Variants in SORCS2 observed in about 807,000 individuals in gnomAD.
The protein encoded by SORCS2 is VPS10 domain-containing receptor SorCS2.
SORCS2 carries 100 observed loss-of-function variants against 141.6 expected under a neutral mutation model. The ratio of observed to expected loss-of-function variants is 0.71; its 90% CI spans 0.60 to 0.83. The LOEUF is 0.83. Ranked by LOEUF, SORCS2 falls within the 40% of genes least tolerant of loss-of-function variation. The pLI is 0.00. For missense variants in SORCS2, 1,646 were observed against 1,560.2 expected, an observed-to-expected ratio of 1.05 and a Z score of -0.93; for synonymous variants, 789 against 676.9, an observed-to-expected ratio of 1.17 and a Z score of -2.57.
chr4:7,381,999 A>G, intron 1 of SORCS2: 1 of 985,296 alleles, frequency 1.0e-6, no homozygotes, highest in Non-Finnish European at 1.2e-6. Flanking sequence ...GCAGGTGAAC[A>G]GGACCAGGGA....
intron 2 of SORCS2, among the ~76,000 whole-genome samples, chr4:7,485,253 G>A (rs771454388): frequency 1.2e-4 from 18 of 152,174 alleles, no homozygotes; most frequent in South Asian, 2.1e-4. Context: ...CCCTCCCATC[G>A]CCCTGGGCAG....
chr4:7,689,363 AG>A, intron 10 of SORCS2, 122 bp from the exon 11 acceptor site: 1 of 825,660 alleles, frequency 1.2e-6, no homozygotes, highest in Non-Finnish European at 1.9e-6. Context: ...CGTTCCTCCA[AG>A]GCACTCCTGG....
chr4:7,487,295 C>CA (rs1731047922), intron 2 of SORCS2, among the ~76,000 whole-genome samples: 1 of 152,210 alleles, frequency 6.6e-6, no homozygotes, highest in Non-Finnish European at 1.5e-5. Flanking sequence ...CTGTTACATT[C>CA]CCTTGGCCCA....
intron 4 of SORCS2, among the ~76,000 whole-genome samples, chr4:7,650,574 C>T (rs900421463): frequency 5.9e-5 from 9 of 152,186 alleles, no homozygotes; most frequent in African/African-American, 1.4e-4. Flanking sequence ...GACTCACAGA[C>T]GCTCCCCTTT....
chr4:7,497,468 G>A (rs1731698742), intron 2 of SORCS2, among the ~76,000 whole-genome samples: 1 of 152,206 alleles, frequency 6.6e-6, no homozygotes, highest in African/African-American at 2.4e-5. Flanking sequence ...CCTCCTAGGA[G>A]CAGCCCAGCT....
In SORCS2 at chr4:7,666,115, G is replaced by C. The variant is rs193223857; in HGVS notation, c.1072-1009G>C. On this transcript the variant is annotated intron_variant, in intron 7 of 26. Coordinates refer to ENST00000507866, the MANE Select transcript of SORCS2 (RefSeq NM_020777.3). Reference sequence around the variant, plus strand: ...ATCAATCTTCTCTAAAGGGAGGGGCGATTCAGGGGAGGCAGGAGACTCAGG... The same window carrying C: ...ATCAATCTTCTCTAAAGGGAGGGGCCATTCAGGGGAGGCAGGAGACTCAGG... Among the ~76,000 whole-genome samples the C allele has an allele frequency of 2.6e-5, 4 of 152,186 alleles. No individual in the cohort carries two copies. The South Asian group carries it at 8.3e-4, about 32-fold the overall frequency.
intron 1 of SORCS2, among the ~76,000 whole-genome samples, chr4:7,263,964 T>G (rs1176763089): frequency 6.6e-6 from 1 of 152,222 alleles, no homozygotes; most frequent in Non-Finnish European, 1.5e-5. Context: ...ATTCACTCAC[T>G]GACTCATTCA....
intron 3 of SORCS2, among the ~76,000 whole-genome samples, chr4:7,536,525 GC>G (rs1712135718): frequency 6.6e-6 from 1 of 152,196 alleles, no homozygotes; most frequent in Non-Finnish European, 1.5e-5. Context: ...TCAGACACCT[GC>G]ATGGTGGTCC....
chr4:7,356,476 G>A (rs1349703388), intron 1 of SORCS2, among the ~76,000 whole-genome samples: 1 of 151,988 alleles, frequency 6.6e-6, no homozygotes, highest in Non-Finnish European at 1.5e-5. Flanking sequence ...CTCAGTGTGT[G>A]AGCATGGAGA....
At chr4:7,729,487 G>C (rs1727453141) in intron 22 of SORCS2, 100 bp from the exon 23 acceptor site, 3 of 1,440,286 alleles carry the variant, frequency 2.1e-6, no homozygotes, top group African/African-American at 2.8e-5. Context: ...TGAGACAGGT[G>C]TACAGGCCAA....
chr4:7,318,991 G>T (rs1718729539), intron 1 of SORCS2, among the ~76,000 whole-genome samples: 1 of 152,146 alleles, frequency 6.6e-6, no homozygotes, highest in Admixed American at 6.5e-5. Flanking sequence ...ATAGCATAGA[G>T]CCTTTTGGGT....
chr4:7,376,801 G>A (rs1722685219), intron 1 of SORCS2, among the ~76,000 whole-genome samples: 1 of 133,482 alleles, frequency 7.5e-6, no homozygotes, highest in African/African-American at 2.6e-5. Context: ...GGTATTTGCT[G>A]CTCATATAGT....
intron 3 of SORCS2, among the ~76,000 whole-genome samples, chr4:7,592,227 C>T (rs1716968269): frequency 6.6e-6 from 1 of 152,184 alleles, no homozygotes. Context: ...TACCCACTTT[C>T]ATCCACAGCT....
At chr4:7,259,307 G>A (rs990074253) in intron 1 of SORCS2, among the ~76,000 whole-genome samples, 1 of 152,110 alleles carries the variant, frequency 6.6e-6, no homozygotes, top group Non-Finnish European at 1.5e-5. Flanking sequence ...GCTGAGGTCC[G>A]CAGAGTTCAA....
At chr4:7,448,317 C>T (rs1728137223) in intron 2 of SORCS2, among the ~76,000 whole-genome samples, 1 of 152,108 alleles carries the variant, frequency 6.6e-6, no homozygotes, top group Non-Finnish European at 1.5e-5. Flanking sequence ...GGGCCCTGCG[C>T]CGGCCAGGCA....
chr4:7,495,287 A>G (rs929026751), intron 2 of SORCS2, among the ~76,000 whole-genome samples: 2 of 152,232 alleles, frequency 1.3e-5, no homozygotes, highest in African/African-American at 4.8e-5. Context: ...CACGCTGGCT[A>G]AAGGAGGCTA....
In SORCS2 at chr4:7,193,406, C is replaced by T. The variant is rs1447129324; in HGVS notation, c.480+280C>T. On this transcript the variant is annotated intron_variant, in intron 1 of 26. Coordinates refer to ENST00000507866, the MANE Select transcript of SORCS2 (RefSeq NM_020777.3). This position sits in a 1 kb window ranked among gnomAD's most constrained non-coding sequence, Gnocchi z 4.8. ...CCTCCGATACTCCCCCACTGGCCTC[C>T]AGGTCTTGGGTTACGGAGGAGGACC... Among the ~76,000 whole-genome samples, 1 of 152,230 alleles carries T rather than the reference C, an allele frequency of 6.6e-6. No individual in the cohort carries two copies. Among genetic ancestry groups the T allele is most frequent in the East Asian group, 1.9e-4 (1 of 5,182 alleles).
intron 2 of SORCS2, among the ~76,000 whole-genome samples, chr4:7,510,320 C>A (rs1470832565): frequency 6.6e-6 from 1 of 152,180 alleles, no homozygotes; most frequent in East Asian, 1.9e-4. Context: ...GAGCGCCCTG[C>A]CCTCCCCAGC....
intron 1 of SORCS2, chr4:7,381,889 T>G (rs1723013851): frequency 1.0e-6 from 1 of 986,136 alleles, no homozygotes; most frequent in African/African-American, 1.7e-5. Context: ...GCCACAGCCT[T>G]CAACCAGCAG....
Sources: gnomAD v4.1 joint callset for allele counts (sites outside exome capture counted in the v4.1 genomes callset) on GRCh38, gnomAD v4.1.1 for gene constraint, Gnocchi (gnomAD v3.1) non-coding constraint, MANE v1.5 for transcripts, NCBI Gene and HGNC (gene_info 2026-07-23, HGNC 2026-07-21) for gene names.